SLC4A8: variants seen among roughly 807,000 people sequenced by gnomAD.
The protein encoded by SLC4A8 is electroneutral sodium bicarbonate exchanger 1.
In SLC4A8, 40 loss-of-function variants were observed where a neutral mutation model predicts 125.0. That is an observed-to-expected ratio of 0.32 (90% CI 0.25 to 0.42). The LOEUF is 0.42. SLC4A8 is among the 10% of genes least tolerant of loss of function. The pLI, the probability that SLC4A8 is intolerant of heterozygous loss-of-function variation, is 1.00. For synonymous variants in SLC4A8, 456 were observed against 476.0 expected, an observed-to-expected ratio of 0.96 and a Z score of 0.55; for missense variants, 863 against 1,355.1, an observed-to-expected ratio of 0.64 and a Z score of 5.70.
chr12:51,447,675 C>G (rs964530079), intron 2 of SLC4A8, among the ~76,000 whole-genome samples: 1 of 151,890 alleles, frequency 6.6e-6, no homozygotes, highest in Non-Finnish European at 1.5e-5. Context: ...ATATTTCCCC[C>G]CCAGAATGTT....
chr12:51,506,334 A>G (rs1488536817), intron 24 of SLC4A8, among the ~76,000 whole-genome samples: 1 of 152,182 alleles, frequency 6.6e-6, no homozygotes, highest in Non-Finnish European at 1.5e-5. Context: ...TCTTTAACCT[A>G]TTTCACTTGT....
rs1163995418 is a variant in SLC4A8, at chr12:51,461,170, C to T, written c.1014-34C>T. ...GACTAATGGCACTTCTTTATATTTA[C>T]TTACATAATTTCCTCCTCTGTGTGT... On this transcript the variant is annotated intron_variant, in intron 8 of 24. Coordinates refer to ENST00000453097, the MANE Select transcript of SLC4A8 (RefSeq NM_001039960.3). 5.3e-6 allele frequency: 6 copies of T among 1,127,486 alleles called. No individual in the cohort carries two copies. The East Asian group carries it at 1.4e-4, about 27-fold the overall frequency. The allele number at this position is 1,127,486 out of a possible 1,614,324, so 69.8% of individuals were successfully genotyped here. A position where few individuals can be genotyped will look rare whatever the true frequency, so the allele number is the denominator to read the frequency against.
At chr12:51,430,298 G>A (rs1394022129) in intron 1 of SLC4A8, among the ~76,000 whole-genome samples, 2 of 152,106 alleles carry the variant, frequency 1.3e-5, no homozygotes, top group Non-Finnish European at 2.9e-5. Context: ...CAGTGACTGT[G>A]GCACATGTTG....
chr12:51,463,342 C>T (rs1004286785), intron 10 of SLC4A8, among the ~76,000 whole-genome samples: 2 of 151,976 alleles, frequency 1.3e-5, no homozygotes, highest in East Asian at 1.9e-4. Flanking sequence ...GCCAAAGCCC[C>T]ATTTTTCTCT....
intron 7 of SLC4A8, among the ~76,000 whole-genome samples, chr12:51,459,274 A>T (rs1347381996): frequency 2.0e-5 from 3 of 152,190 alleles, no homozygotes; most frequent in Non-Finnish European, 2.9e-5. Flanking sequence ...AAAACATTTG[A>T]GTGTTTAAAA....
intron 8 of SLC4A8, 97 bp downstream of exon 8, chr12:51,460,205 T>A: frequency 2.9e-6 from 3 of 1,019,648 alleles, no homozygotes; most frequent in Non-Finnish European, 4.6e-6. Context: ...TAGAATTAAT[T>A]AATTTTAGGA....
In SLC4A8 at chr12:51,507,973, C is replaced by G. The variant is rs1193972334; in HGVS notation, c.*535C>G. The G allele has an allele frequency of 3.3e-5, 5 of 152,382 alleles. No individual in the cohort carries two copies. Among genetic ancestry groups the G allele is most frequent in the African/African-American group, 1.2e-4 (5 of 41,458 alleles). 9.4% of individuals were successfully genotyped at this position (152,382 alleles called of 1,614,324 possible). On this transcript the variant is annotated 3_prime_UTR_variant, in exon 25 of 25. Transcript: ENST00000453097. ...CTCCCCTGGGGGATGCTGGTCAGAC[C>G]CAGAGGTTGTCAGGAGGTCAGCTAC...
chr12:51,466,299 T>C (rs539777829), intron 11 of SLC4A8: 1 of 152,294 alleles, frequency 6.6e-6, no homozygotes, highest in South Asian at 2.1e-4. Flanking sequence ...AAGGGGTTTT[T>C]CAGGGTATAT....
chr12:51,425,206 G>A, intron 1 of SLC4A8, 171 bp downstream of exon 1: 1 of 1,408,332 alleles, frequency 7.1e-7, no homozygotes, highest in Middle Eastern at 2.6e-4. Context: ...TGGGGACCAG[G>A]CCAGGGCTGC....
intron 1 of SLC4A8, among the ~76,000 whole-genome samples, chr12:51,408,459 A>G (rs1028946549): frequency 6.6e-6 from 1 of 151,718 alleles, no homozygotes; most frequent in Non-Finnish European, 1.5e-5. Flanking sequence ...CTGGTCTCGA[A>G]CTCCAGACCT....
intron 1 of SLC4A8, 135 bp from the exon 2 acceptor site, chr12:51,440,573 A>G: frequency 1.6e-6 from 1 of 638,714 alleles, no homozygotes; most frequent in Non-Finnish European, 2.7e-6. Context: ...AGGTATTGTG[A>G]AGTTCACATG....
intron 8 of SLC4A8, 70 bp downstream of exon 8, chr12:51,460,178 C>T (rs1351607158): frequency 4.3e-6 from 5 of 1,157,242 alleles, no homozygotes; most frequent in Admixed American, 1.8e-5. Flanking sequence ...TAGAAGAAAC[C>T]ACTTAATACT....
intron 1 of SLC4A8, among the ~76,000 whole-genome samples, chr12:51,432,410 CAAAA>C (rs33965654): frequency 2.2e-5 from 2 of 92,032 alleles, no homozygotes; most frequent in Non-Finnish European, 4.0e-5. Flanking sequence ...GACTCCGCCT[CAAAA>C]AAAAAAAAAA....
At position 51,470,532 on chromosome 12, in the gene SLC4A8, C is replaced by T. The variant is rs759965583; in HGVS notation, c.1658+7C>T. ...TTTTGTTCAAATTCTGCAAGTAAGA[C>T]ATTTGTTTTTCTGAAAACTCTAACC... On this transcript the variant is annotated splice_region_variant and intron_variant, in intron 13 of 24. Transcript: ENST00000453097. 5.6e-6 allele frequency: 9 copies of T among 1,612,508 alleles called. No individual in the cohort carries two copies. The highest frequency in any genetic ancestry group is 2.2e-5 in the East Asian group (1 of 44,840).
chr12:51,469,521 A>C (rs1049184583), intron 11 of SLC4A8, 93 bp from the exon 12 acceptor site: 1 of 1,145,522 alleles, frequency 8.7e-7, no homozygotes, highest in African/African-American at 1.5e-5. Flanking sequence ...ACCGCTGAAC[A>C]GAGCACATTT....
chr12:51,476,773 CCTT>C (rs984008877), intron 16 of SLC4A8, among the ~76,000 whole-genome samples: 1 of 152,064 alleles, frequency 6.6e-6, no homozygotes, highest in African/African-American at 2.4e-5. Context: ...AAATAAAAAA[CCTT>C]CTTGGTGTTT....
At chr12:51,399,722 G>A (rs574058217) in intron 1 of SLC4A8, among the ~76,000 whole-genome samples, 94 of 152,276 alleles carry the variant, frequency 6.2e-4, no homozygotes, top group African/African-American at 2.2e-3. Flanking sequence ...GGTGGCTCAC[G>A]CTTGTAATCC....
chr12:51,478,458 C>T (rs573459177), intron 16 of SLC4A8, among the ~76,000 whole-genome samples: 16 of 151,850 alleles, frequency 1.1e-4, no homozygotes, highest in Non-Finnish European at 1.6e-4. Flanking sequence ...AAATTACAGA[C>T]GCAAAGAAAC....
intron 19 of SLC4A8, among the ~76,000 whole-genome samples, chr12:51,492,059 A>G (rs1951332165): frequency 6.6e-6 from 1 of 152,212 alleles, no homozygotes; most frequent in African/African-American, 2.4e-5. Context: ...GGCAGTGGCT[A>G]GTATGAGAAG....
Sources: gnomAD v4.1 joint callset for allele counts (sites outside exome capture counted in the v4.1 genomes callset) on GRCh38, gnomAD v4.1.1 for gene constraint, MANE v1.5 for transcripts, NCBI Gene and HGNC (gene_info 2026-07-23, HGNC 2026-07-21) for gene names.